CTNND2: variants seen among roughly 807,000 people sequenced by gnomAD.
CTNND2 encodes catenin delta-2.
CTNND2 carries 22 observed loss-of-function variants against 144.4 expected under a neutral mutation model. The ratio of observed to expected loss-of-function variants is 0.15; its 90% CI spans 0.11 to 0.22. The LOEUF is 0.22. Among genes scored for constraint, CTNND2 ranks in the 10% least tolerant of loss-of-function variants. The pLI is 1.00. For synonymous variants in CTNND2, 751 were observed against 695.6 expected (o/e 1.08, Z -1.25); for missense variants, 1,353 against 1,618.8 (o/e 0.84, Z 2.82).
chr5:11,895,452 G>A (rs1737318025), intron 1 of CTNND2, among the ~76,000 whole-genome samples: 1 of 152,190 alleles, frequency 6.6e-6, no homozygotes, highest in African/African-American at 2.4e-5. Flanking sequence ...ATGACACTTA[G>A]TAGTAAAATA....
chr5:11,533,489 C>T (rs1220567314), intron 3 of CTNND2, among the ~76,000 whole-genome samples: 2 of 152,152 alleles, frequency 1.3e-5, no homozygotes, highest in Non-Finnish European at 2.9e-5. Flanking sequence ...CAGCAAGGAC[C>T]CCATAGCCTT....
At chr5:11,416,012 A>G (rs1761906613) in intron 3 of CTNND2, among the ~76,000 whole-genome samples, 1 of 152,166 alleles carries the variant, frequency 6.6e-6, no homozygotes. Context: ...AAACTCTGTA[A>G]TTAGAGGGCT....
intron 3 of CTNND2, among the ~76,000 whole-genome samples, chr5:11,547,077 T>A (rs1775303144): frequency 6.6e-6 from 1 of 152,056 alleles, no homozygotes; most frequent in African/African-American, 2.4e-5. Flanking sequence ...AAGACCAGCC[T>A]GGCCAACACG....
intron 1 of CTNND2, among the ~76,000 whole-genome samples, chr5:11,856,301 C>T (rs538310355): frequency 2.2e-4 from 34 of 152,270 alleles, no homozygotes; most frequent in East Asian, 2.1e-3. Context: ...GGAGTTCATT[C>T]GGCATGGCCA....
intron 3 of CTNND2, among the ~76,000 whole-genome samples, chr5:11,445,396 G>A (rs576803683): frequency 9.2e-5 from 14 of 152,276 alleles, no homozygotes; most frequent in African/African-American, 3.4e-4. Flanking sequence ...CCCGAGATTA[G>A]GACTTCAACA....
At chr5:11,170,711 C>T (rs1759819240) in intron 11 of CTNND2, among the ~76,000 whole-genome samples, 3 of 152,088 alleles carry the variant, frequency 2.0e-5, no homozygotes, top group Admixed American at 2.0e-4. Context: ...ATGACTAGAT[C>T]TTTTTTTCAG....
chr5:11,332,852 T>A (rs1753311668), intron 9 of CTNND2, among the ~76,000 whole-genome samples: 1 of 152,162 alleles, frequency 6.6e-6, no homozygotes, highest in Non-Finnish European at 1.5e-5. Flanking sequence ...GCTCTTGTGG[T>A]AGTGAATAAG....
chr5:11,839,341 G>A (rs535266002), intron 1 of CTNND2, among the ~76,000 whole-genome samples: 1 of 152,134 alleles, frequency 6.6e-6, no homozygotes, highest in Middle Eastern at 3.4e-3. Flanking sequence ...TTGACTTGTG[G>A]GTCATCAAAC....
chr5:11,411,546 A>G lies in CTNND2; in HGVS notation c.429T>C (p.Ser143=), dbSNP rs1387432437. ...ESGILDPQDY[S]TGERPSLLSQ... is the part of the protein sequence containing the mutation. Reference sequence around the variant, plus strand: ...TGCCACGTGACTTACTTTCACCTGTAGAATAATCCTGTGGGTCAAGTATTC... The same window carrying G: ...TGCCACGTGACTTACTTTCACCTGTGGAATAATCCTGTGGGTCAAGTATTC... The change falls in exon 5 of 22, where the codon TCT becomes TCC. Residue 143 remains serine (S), a synonymous_variant. Coordinates refer to ENST00000304623, the MANE Select transcript of CTNND2 (RefSeq NM_001332.4). The G allele has an allele frequency of 6.3e-7, 1 of 1,580,246 alleles. No individual in the cohort carries two copies. Among genetic ancestry groups the G allele is most frequent in the East Asian group, 2.2e-5 (1 of 44,664 alleles).
In CTNND2 at chr5:11,098,627, G is replaced by A. The variant is rs773517967; in HGVS notation, c.2585C>T (p.Thr862Met). ...CAGGGCGCCTGCCGCCCCTTCCAGC[G>A]TGTCTGGATTTGAGCACTCAGAGAG... ...TLLSECSNPDTLEGAAGALQN... is the reference protein window; with the variant it reads ...TLLSECSNPDMLEGAAGALQN... Residue 862 changes from threonine (T) to methionine (M), a missense_variant, in exon 15 of 22, where the codon ACG becomes ATG. Transcript: ENST00000304623. 1 of 1,614,112 alleles carries A rather than the reference G, an allele frequency of 6.2e-7. No homozygotes were observed. Among genetic ancestry groups the A allele is most frequent in the Admixed American group, 1.7e-5 (1 of 60,012 alleles).
intron 9 of CTNND2, among the ~76,000 whole-genome samples, chr5:11,336,170 C>G (rs1046181673): frequency 1.3e-5 from 2 of 152,148 alleles, no homozygotes; most frequent in East Asian, 1.9e-4. Context: ...TGGAGTTATA[C>G]TTTCATTTTC....
intron 2 of CTNND2, among the ~76,000 whole-genome samples, chr5:11,614,068 C>G (rs1780465187): frequency 6.6e-6 from 1 of 152,034 alleles, no homozygotes; most frequent in South Asian, 2.1e-4. Flanking sequence ...TTTGAAAATT[C>G]TTCCTTGACA....
Position 11,367,926 on chromosome 5 carries a change from C to T in CTNND2, c.1178-3036G>A, listed in dbSNP as rs566260466. Among the ~76,000 whole-genome samples, 3 of 152,308 alleles carry T rather than the reference C, an allele frequency of 2.0e-5. No homozygotes were observed. In the East Asian group the frequency reaches 5.8e-4, roughly 29 times the overall value. ...TAAAGCATTTCATGACCAATTACCG[C>T]AACAATTCCTACATCATCCAGCATT... On this transcript the variant is annotated intron_variant, in intron 7 of 21. Coordinates refer to ENST00000304623, the MANE Select transcript of CTNND2 (RefSeq NM_001332.4).
At chr5:11,296,485 A>T (rs558236194) in intron 9 of CTNND2, among the ~76,000 whole-genome samples, 1 of 152,362 alleles carries the variant, frequency 6.6e-6, no homozygotes, top group African/African-American at 2.4e-5. Flanking sequence ...ATTACTGGGT[A>T]TATACCCAAA....
intron 12 of CTNND2, among the ~76,000 whole-genome samples, chr5:11,131,031 A>G (rs1421462565): frequency 6.6e-6 from 1 of 152,222 alleles, no homozygotes; most frequent in African/African-American, 2.4e-5. Flanking sequence ...ATGGCCAGTT[A>G]CAAAGTTACA....
chr5:11,903,767 C>A lies in CTNND2; in HGVS notation c.37+50G>T. On this transcript the variant is annotated intron_variant, in intron 1 of 21. Coordinates refer to ENST00000304623, the MANE Select transcript of CTNND2 (RefSeq NM_001332.4). The surrounding 1 kb of genome is among the most constrained non-coding windows in gnomAD (Gnocchi z 5.4). Reference sequence around the variant, plus strand: ...ACCAGCGGCAAGAGGAGGAGGACGGCGCCGGGAGGAGGCTGCGCCCGGCCC... The same window carrying A: ...ACCAGCGGCAAGAGGAGGAGGACGGAGCCGGGAGGAGGCTGCGCCCGGCCC... 1 of 1,460,390 alleles carries A rather than the reference C, an allele frequency of 6.8e-7. No homozygotes were observed. The highest frequency in any genetic ancestry group is 1.5e-5 in the African/African-American group (1 of 67,722). The allele number at this position is 1,460,390 out of a possible 1,614,324, so 90.5% of individuals were successfully genotyped here. A position where few individuals can be genotyped will look rare whatever the true frequency, so the allele number is the denominator to read the frequency against.
intron 2 of CTNND2, among the ~76,000 whole-genome samples, chr5:11,709,170 C>T (rs765112923): frequency 1.3e-5 from 2 of 152,150 alleles, no homozygotes; most frequent in African/African-American, 4.8e-5. Context: ...GTGACACACC[C>T]GGCTACTGAA....
rs149964162 is a variant in CTNND2, at chr5:11,401,083, C to T, written c.440-3880G>A. 2.0e-4 allele frequency among the ~76,000 whole-genome samples: 31 copies of T among 152,282 alleles called. No individual in the cohort carries two copies. The East Asian group carries it at 5.2e-3, about 26-fold the overall frequency. ...TTCCAGGTGCTGGCTAGAGGAAACT[C>T]GCTGTCCACTATTCGTGGGACAAAA... On this transcript the variant is annotated intron_variant, in intron 5 of 21. Transcript: ENST00000304623.
At chr5:11,321,851 A>C (rs1327386877) in intron 9 of CTNND2, among the ~76,000 whole-genome samples, 1 of 152,114 alleles carries the variant, frequency 6.6e-6, no homozygotes, top group African/African-American at 2.4e-5. Context: ...CCCATGTCTG[A>C]TTCTAAAGCA....
Sources: allele counts gnomAD v4.1 joint callset (sites outside exome capture counted in the v4.1 genomes callset), GRCh38; gene constraint gnomAD v4.1.1; non-coding constraint Gnocchi (gnomAD v3.1); transcripts MANE v1.5; gene names NCBI Gene and HGNC (gene_info 2026-07-23, HGNC 2026-07-21).